Variants in EZH1 observed in about 807,000 individuals in gnomAD.
The protein encoded by EZH1 is histone-lysine N-methyltransferase EZH1.
A neutral mutation model predicts 100.5 loss-of-function variants in EZH1; 33 were observed. The observed-to-expected ratio is 0.33, with a 90% confidence interval of 0.25 to 0.44. EZH1 has a LOEUF of 0.44. Among genes scored for constraint, EZH1 ranks in the 20% least tolerant of loss-of-function variants. EZH1 has a pLI of 1.00. For missense variants in EZH1, 475 were observed against 928.4 expected (o/e 0.51, Z 6.35); for synonymous variants, 272 against 313.8 (o/e 0.87, Z 1.41).
In EZH1 at chr17:42,730,920, T is replaced by C. The variant is rs2053935072; in HGVS notation, c.-102-2A>G. On this transcript the variant is annotated splice_acceptor_variant, in intron 1 of 20. Coordinates refer to ENST00000428826, the MANE Select transcript of EZH1 (RefSeq NM_001991.5). LOFTEE classifies it low-confidence loss of function (5UTR_SPLICE). ...CACAACAGCAGAACAGGTGTCCAGC[T>C]TTTCAAAAGAGAACAGACAGTGGTT... 2.0e-6 allele frequency: 2 copies of C among 985,162 alleles called. No homozygotes were observed. The highest frequency in any genetic ancestry group is 9.4e-5 in the South Asian group (2 of 21,274). The allele number at this position is 985,162 out of a possible 1,614,324, so 61.0% of individuals were successfully genotyped here. A position where few individuals can be genotyped will look rare whatever the true frequency, so the allele number is the denominator to read the frequency against.
In EZH1 at chr17:42,709,898, G is replaced by A; in HGVS notation, c.1441C>T (p.Leu481=). 2 of 1,614,198 alleles carry A rather than the reference G, an allele frequency of 1.2e-6. No individual in the cohort carries two copies. Among genetic ancestry groups the A allele is most frequent in the Non-Finnish European group, 1.7e-6 (2 of 1,180,006 alleles). Residue 481 remains leucine, a synonymous_variant, in exon 13 of 21, where the codon CTG becomes TTG. Transcript: ENST00000428826. ...FAVKESLILK[L]PTDELMNPSQ... ...GGGTTCATGAGCTCATCTGTTGGCA[G>A]CTTCAGGATAAGTGATTCTTTGACT...
In EZH1 at chr17:42,718,133, G is replaced by GCTCTCTAATTCACTTTTGT; in HGVS notation, c.932-67_932-66insACAAAAGTGAATTAGAGAG. On this transcript the variant is annotated intron_variant, in intron 9 of 20. Coordinates refer to ENST00000428826, the MANE Select transcript of EZH1 (RefSeq NM_001991.5). This position sits in a 1 kb window ranked among gnomAD's most constrained non-coding sequence, Gnocchi z 4.2. ...CTTGACAAGATGGGGAGAAACAAAA[G>GCTCTCTAATTCACTTTTGT]TGAATTAGAGAGCTATTGTAGGAGT... 1 of 1,351,714 alleles carries GCTCTCTAATTCACTTTTGT rather than the reference G, an allele frequency of 7.4e-7. No homozygotes were observed. The highest frequency in any genetic ancestry group is 1.1e-6 in the Non-Finnish European group (1 of 949,130). The allele number at this position is 1,351,714 out of a possible 1,614,324, so 83.7% of individuals were successfully genotyped here. A position where few individuals can be genotyped will look rare whatever the true frequency, so the allele number is the denominator to read the frequency against.
intron 13 of EZH1, 99 bp downstream of exon 13, chr17:42,709,747 G>T: frequency 1.8e-6 from 2 of 1,090,506 alleles, no homozygotes. Flanking sequence ...CAGCCTGTGC[G>T]GTTGCTAAAG....
intron 4 of EZH1, among the ~76,000 whole-genome samples, chr17:42,726,805 C>T (rs574711088): frequency 8.6e-5 from 13 of 151,986 alleles, no homozygotes; most frequent in African/African-American, 2.6e-4. Flanking sequence ...TGAGCCACCG[C>T]GTCCAGCCAA....
chr17:42,724,382 T>C lies in EZH1; in HGVS notation c.289A>G (p.Met97Val). The C allele has an allele frequency of 6.2e-7, 1 of 1,614,088 alleles. No individual in the cohort carries two copies. Among genetic ancestry groups the C allele is most frequent in the East Asian group, 2.2e-5 (1 of 44,880 alleles). The stretch of plus-strand genomic sequence containing the variant: ...ACTGTGTTCAGTGACCTCATTAACA[T>C]ATGTTGGCTTGCAAATCCCGGGAAA... The part of the protein sequence containing the change: ...SIFPGFASQH[M>V]LMRSLNTVAL... The change falls in exon 5 of 21, where the codon ATG (methionine) becomes GTG (valine). Residue 97 changes from methionine (M) to valine (V), a missense_variant. Met to Val is a conservative substitution (Grantham distance 21). Around this residue, in one of 8 missense-constraint regions of EZH1, gnomAD observed 105 missense variants for 129.8 expected, o/e 0.81. Coordinates refer to ENST00000428826, the MANE Select transcript of EZH1 (RefSeq NM_001991.5).
chr17:42,702,964 G>T lies in EZH1; in HGVS notation c.2099-3C>A. ...ATGGTCTCCATTCACCATGACCACT[G>T]CAAGCAGGATAAACCCGAGGCTAGG... On this transcript the variant is annotated splice_polypyrimidine_tract_variant and splice_region_variant and intron_variant, in intron 19 of 20. Transcript: ENST00000428826. 6.2e-7 allele frequency: 1 copy of T among 1,613,956 alleles called. No homozygotes were observed. The highest frequency in any genetic ancestry group is 1.1e-5 in the South Asian group (1 of 91,078).
Position 42,718,967 on chromosome 17 carries a change from A to G in EZH1, c.767+138T>C. The G allele has an allele frequency of 1.4e-6, 1 of 689,802 alleles. No individual in the cohort carries two copies. Among genetic ancestry groups the G allele is most frequent in the Admixed American group, 2.4e-5 (1 of 41,124 alleles). The allele number at this position is 689,802 out of a possible 1,614,324, so 42.7% of individuals were successfully genotyped here. On this transcript the variant is annotated intron_variant, in intron 8 of 20. Coordinates refer to ENST00000428826, the MANE Select transcript of EZH1 (RefSeq NM_001991.5). This position sits in a 1 kb window ranked among gnomAD's most constrained non-coding sequence, Gnocchi z 4.2. ...GGGGGCATTTAGAGGTAATTGAGTA[A>G]GCAAGAAATAATCAAATTGCGGGCA... is the stretch of plus-strand genomic sequence containing the variant.
chr17:42,733,997 C>T (rs1173447227), intron 1 of EZH1, among the ~76,000 whole-genome samples: 2 of 151,124 alleles, frequency 1.3e-5, no homozygotes, highest in Non-Finnish European at 2.9e-5. Context: ...AAAATTTAAC[C>T]CATTACCACA....
At chr17:42,733,199 T>C (rs1046691614) in intron 1 of EZH1, among the ~76,000 whole-genome samples, 6 of 150,282 alleles carry the variant, frequency 4.0e-5, no homozygotes, top group African/African-American at 1.5e-4. Context: ...TAGCCGGGCG[T>C]GGTGGCGCAT....
chr17:42,731,329 T>C lies in EZH1; in HGVS notation c.-102-411A>G, dbSNP rs761191513. Among the ~76,000 whole-genome samples the C allele has an allele frequency of 2.6e-5, 4 of 151,840 alleles. No individual in the cohort carries two copies. The East Asian group carries it at 5.8e-4, about 22-fold the overall frequency. On this transcript the variant is annotated intron_variant, in intron 1 of 20. Coordinates refer to ENST00000428826, the MANE Select transcript of EZH1 (RefSeq NM_001991.5). The stretch of plus-strand genomic sequence containing the variant: ...AGAGATGGGATTTCACCATCTCTAC[T>C]GGGGATCACCTGACCTCAAGTGATC...
chr17:42,725,325 G>A (rs549329589), intron 4 of EZH1, among the ~76,000 whole-genome samples: 2 of 151,134 alleles, frequency 1.3e-5, no homozygotes, highest in Non-Finnish European at 2.9e-5. Context: ...GCTGAGTGCA[G>A]TTGTGCAATC....
chr17:42,711,645 CAAAAAAA>C (rs34631785), intron 12 of EZH1, among the ~76,000 whole-genome samples: 1 of 139,410 alleles, frequency 7.2e-6, no homozygotes, highest in Non-Finnish European at 1.5e-5. Flanking sequence ...GATTCTGTCT[CAAAAAAA>C]AAAAAAAATT....
intron 6 of EZH1, among the ~76,000 whole-genome samples, chr17:42,722,279 T>C (rs1454115025): frequency 1.3e-5 from 2 of 150,594 alleles, no homozygotes; most frequent in Non-Finnish European, 3.0e-5. Flanking sequence ...ATCATGCCAC[T>C]GCATTCCAGC....
At position 42,705,196 on chromosome 17, in the gene EZH1, G is replaced by T; in HGVS notation, c.1840-13C>A. The T allele has an allele frequency of 6.2e-7, 1 of 1,600,280 alleles. No individual in the cohort carries two copies. Among genetic ancestry groups the T allele is most frequent in the Non-Finnish European group, 8.6e-7 (1 of 1,169,114 alleles). On this transcript the variant is annotated splice_polypyrimidine_tract_variant and intron_variant, in intron 16 of 20. Transcript: ENST00000428826. The stretch of plus-strand genomic sequence containing the variant: ...CCAGCAGCAGGTGCTGGGGAAGAGG[G>T]GGCCAAGTCTCAGACTACAGGGTGT...
At chr17:42,708,717 T>G (rs1402490634) in intron 14 of EZH1, among the ~76,000 whole-genome samples, 159 bp downstream of exon 14, 1 of 152,194 alleles carries the variant, frequency 6.6e-6, no homozygotes, top group Non-Finnish European at 1.5e-5. Flanking sequence ...GTCTTCTCAG[T>G]TGCAGTGAGA....
At chr17:42,742,717 T>C (rs1009428601) in intron 1 of EZH1, among the ~76,000 whole-genome samples, 6 of 152,214 alleles carry the variant, frequency 3.9e-5, no homozygotes, top group Non-Finnish European at 8.8e-5. Flanking sequence ...GGTACATCAA[T>C]GAATAAAACA....
At chr17:42,733,232 G>T (rs1055773615) in intron 1 of EZH1, among the ~76,000 whole-genome samples, 2 of 151,108 alleles carry the variant, frequency 1.3e-5, no homozygotes, top group African/African-American at 4.9e-5. Flanking sequence ...AGCTACTCTG[G>T]AGGCTGAGGC....
In EZH1 at chr17:42,706,754, C is replaced by T. The variant is rs1419908457; in HGVS notation, c.1661-569G>A. Reference sequence around the variant, plus strand: ...TAAGAAGTGTCCCCTAGAGATTCCCCAACAATCCTCTCCCTCCCACTGAGG... The same window carrying T: ...TAAGAAGTGTCCCCTAGAGATTCCCTAACAATCCTCTCCCTCCCACTGAGG... On this transcript the variant is annotated intron_variant, in intron 15 of 20. Transcript: ENST00000428826. This position sits in a 1 kb window ranked among gnomAD's most constrained non-coding sequence, Gnocchi z 4.4. 6.6e-6 allele frequency among the ~76,000 whole-genome samples: 1 copy of T among 152,030 alleles called. No individual in the cohort carries two copies. Among genetic ancestry groups the T allele is most frequent in the South Asian group, 2.1e-4 (1 of 4,810 alleles).
Position 42,705,994 on chromosome 17 carries a change from G to A in EZH1, c.1839+13C>T. ...CATTTTATGTGGTGTGGGGTCCTGA[G>A]GAAAGGCCTCACCTTCTTAAGTCCA... On this transcript the variant is annotated intron_variant, in intron 16 of 20. Coordinates refer to ENST00000428826, the MANE Select transcript of EZH1 (RefSeq NM_001991.5). 6.2e-7 allele frequency: 1 copy of A among 1,603,514 alleles called. No individual in the cohort carries two copies. Among genetic ancestry groups the A allele is most frequent in the Non-Finnish European group, 8.5e-7 (1 of 1,174,390 alleles).
Sources: allele counts gnomAD v4.1 joint callset (sites outside exome capture counted in the v4.1 genomes callset), GRCh38; gene constraint gnomAD v4.1.1; regional missense constraint gnomAD v4.1.1; non-coding constraint Gnocchi (gnomAD v3.1); transcripts MANE v1.5; gene names NCBI Gene and HGNC (gene_info 2026-07-23, HGNC 2026-07-21).